Variants in EYA1 observed in about 807,000 individuals in gnomAD.
EYA1 encodes EYA transcriptional coactivator and phosphatase 1, also known as protein phosphatase EYA1.
A neutral mutation model predicts 82.0 loss-of-function variants in EYA1; 16 were observed. The ratio of observed to expected loss-of-function variants is 0.20; its 90% CI spans 0.13 to 0.30. EYA1 has a LOEUF of 0.30. EYA1 is among the 10% of genes least tolerant of loss of function. The pLI, the probability that EYA1 is intolerant of heterozygous loss-of-function variation, is 1.00. For synonymous variants in EYA1, 261 were observed against 264.4 expected, an observed-to-expected ratio of 0.99 and a Z score of 0.12; for missense variants, 633 against 730.7, an observed-to-expected ratio of 0.87 and a Z score of 1.54.
chr8:71,227,727 T>C (rs547952414), intron 12 of EYA1, among the ~76,000 whole-genome samples: 1 of 152,360 alleles, frequency 6.6e-6, no homozygotes, highest in East Asian at 1.9e-4. Flanking sequence ...GCAACAAATA[T>C]TAGTTTCTGT....
intron 12 of EYA1, 120 bp from the exon 13 acceptor site, chr8:71,217,143 G>A (rs1809317783): frequency 2.7e-6 from 2 of 751,826 alleles, no homozygotes; most frequent in Non-Finnish European, 4.6e-6. Context: ...TTTCAACTAT[G>A]TCAATCAGTA....
intron 2 of EYA1, among the ~76,000 whole-genome samples, chr8:71,524,426 TCCCAAA>T (rs1292872414): frequency 6.6e-6 from 1 of 152,170 alleles, no homozygotes; most frequent in Non-Finnish European, 1.5e-5. Flanking sequence ...AAATAATCAA[TCCCAAA>T]CCCAGTATTC....
intron 17 of EYA1, among the ~76,000 whole-genome samples, chr8:71,207,652 A>AT (rs1807977370): frequency 1.3e-5 from 2 of 152,188 alleles, no homozygotes; most frequent in African/African-American, 2.4e-5. Context: ...TGTGCCCTAT[A>AT]TTAAAAAAAA....
At chr8:71,213,201 A>C (rs1808751587) in intron 16 of EYA1, among the ~76,000 whole-genome samples, 1 of 152,212 alleles carries the variant, frequency 6.6e-6, no homozygotes. Context: ...TATTTTAAAC[A>C]AAATGCCCAT....
intron 3 of EYA1, among the ~76,000 whole-genome samples, chr8:71,339,646 T>C (rs1306266243): frequency 1.3e-5 from 2 of 152,152 alleles, no homozygotes; most frequent in Non-Finnish European, 1.5e-5. Context: ...TCCTGCAACA[T>C]TTCCCAGTTT....
intron 4 of EYA1, among the ~76,000 whole-genome samples, chr8:71,322,743 C>T (rs1007342771): frequency 2.0e-5 from 3 of 152,094 alleles, no homozygotes; most frequent in East Asian, 1.9e-4. Flanking sequence ...AATCTTCTCT[C>T]GGGTGAGAAG....
Position 71,204,608 on chromosome 8 carries a change from C to T in EYA1, c.1699-5188G>A, listed in dbSNP as rs188431799. ...CAGTCACTTAAAAGCATTAGAGATG[C>T]AAAGCTTCATGGACTGATATAGAAT... On this transcript the variant is annotated intron_variant, in intron 17 of 17. Transcript: ENST00000340726. Among the ~76,000 whole-genome samples the T allele has an allele frequency of 1.3e-3, 201 of 152,132 alleles. 1 individual carries two copies. The highest frequency in any genetic ancestry group is 4.1e-3 in the African/African-American group (169 of 41,506).
intron 1 of EYA1, among the ~76,000 whole-genome samples, chr8:71,357,500 C>T (rs890022340): frequency 3.3e-5 from 5 of 152,244 alleles, no homozygotes. Context: ...GGAGAGCATT[C>T]TGCAAAACGT....
intron 2 of EYA1, among the ~76,000 whole-genome samples, chr8:71,454,025 C>G (rs371144578): frequency 6.6e-6 from 1 of 152,084 alleles, no homozygotes; most frequent in South Asian, 2.1e-4. Flanking sequence ...TCAGGAAACC[C>G]ATCTCACATG....
At chr8:71,528,726 T>C (rs1048192612) in intron 2 of EYA1, among the ~76,000 whole-genome samples, 3 of 152,216 alleles carry the variant, frequency 2.0e-5, no homozygotes, top group African/African-American at 4.8e-5. Flanking sequence ...CAAATTTGAA[T>C]CCAAGAAGTT....
chr8:71,315,669 C>T (rs1426891794), intron 7 of EYA1, among the ~76,000 whole-genome samples: 2 of 152,192 alleles, frequency 1.3e-5, no homozygotes, highest in Non-Finnish European at 2.9e-5. Flanking sequence ...GAGCCTAGGA[C>T]TGTTAAATTC....
At chr8:71,342,700 GC>G (rs1825277765) in intron 3 of EYA1, among the ~76,000 whole-genome samples, 1 of 152,088 alleles carries the variant, frequency 6.6e-6, no homozygotes, top group African/African-American at 2.4e-5. Flanking sequence ...TATATATGTG[GC>G]CTGTTAATTT....
At chr8:71,451,092 T>C (rs923946434) in intron 2 of EYA1, among the ~76,000 whole-genome samples, 5 of 152,226 alleles carry the variant, frequency 3.3e-5, no homozygotes, top group Non-Finnish European at 7.3e-5. Flanking sequence ...GAGGGTACAA[T>C]GTAATTATAC....
rs118001173 is a variant in EYA1, at chr8:71,403,186, C to T, written c.34-46675G>A. On this transcript the variant is annotated intron_variant, in intron 2 of 18. Transcript: ENST00000643681. ...ATTTGACAGAAACTGTGTTCACAATCGTAAGCAAATCTCCACACTTGATTA... is the reference window on the plus strand; with the variant it reads ...ATTTGACAGAAACTGTGTTCACAATTGTAAGCAAATCTCCACACTTGATTA... 9.3e-4 allele frequency among the ~76,000 whole-genome samples: 141 copies of T among 152,246 alleles called. 1 individual carries two copies. In the East Asian group the frequency reaches 0.024, roughly 26 times the overall value.
At chr8:71,370,035 G>A (rs971254793) in intron 2 of EYA1, among the ~76,000 whole-genome samples, 1 of 151,098 alleles carries the variant, frequency 6.6e-6, no homozygotes, top group Non-Finnish European at 1.5e-5. Flanking sequence ...TCAGTTTTAG[G>A]TTAAAAAAAA....
chr8:71,402,044 T>C (rs772000200), intron 2 of EYA1, among the ~76,000 whole-genome samples: 1 of 152,172 alleles, frequency 6.6e-6, no homozygotes, highest in Non-Finnish European at 1.5e-5. Flanking sequence ...CTGGTACAAG[T>C]AAAGGTCTCT....
At chr8:71,269,492 T>C (rs950448694) in intron 11 of EYA1, among the ~76,000 whole-genome samples, 4 of 152,232 alleles carry the variant, frequency 2.6e-5, no homozygotes, top group Non-Finnish European at 5.9e-5. Flanking sequence ...ATCACTTTTA[T>C]TCACTGGGGT....
chr8:71,262,541 G>A (rs867957638), intron 11 of EYA1, among the ~76,000 whole-genome samples: 4 of 152,196 alleles, frequency 2.6e-5, no homozygotes, highest in Non-Finnish European at 4.4e-5. Context: ...TTTATAGGCT[G>A]CTTTTTCCAA....
chr8:71,275,396 T>C (rs1004346614), intron 9 of EYA1, among the ~76,000 whole-genome samples: 9 of 152,062 alleles, frequency 5.9e-5, no homozygotes, highest in African/African-American at 9.7e-5. Context: ...TTTGGACATA[T>C]TGAATTTGAA....
Sources: gnomAD v4.1 joint callset for allele counts (sites outside exome capture counted in the v4.1 genomes callset) on GRCh38, gnomAD v4.1.1 for gene constraint, MANE v1.5 for transcripts, NCBI Gene and HGNC (gene_info 2026-07-23, HGNC 2026-07-21) for gene names.